The following MLLT3 variants were observed in gnomAD, a reference collection of about 807,000 sequenced individuals.
MLLT3 encodes the protein MLLT3 super elongation complex subunit, also known as protein AF-9.
Under a neutral mutation model 53.2 loss-of-function variants are expected in MLLT3, and 4 were observed. The observed-to-expected ratio is 0.08, with a 90% CI of 0.04 to 0.17. MLLT3 has a LOEUF of 0.17. Among genes scored for constraint, MLLT3 ranks in the 10% least tolerant of loss-of-function variants. The pLI is 1.00. For synonymous variants in MLLT3, 283 were observed against 230.6 expected (o/e 1.23, Z -2.06); for missense variants, 569 against 684.0 (o/e 0.83, Z 1.87).
chr9:20,514,939 ATTTTTTTTT>A (rs35816235), intron 2 of MLLT3, among the ~76,000 whole-genome samples: 3 of 88,734 alleles, frequency 3.4e-5, no homozygotes, highest in East Asian at 3.1e-4. Flanking sequence ...TGAAGGAACA[ATTTTTTTTT>A]TTTTTTTTTT....
intron 8 of MLLT3, among the ~76,000 whole-genome samples, 188 bp downstream of exon 8, chr9:20,360,551 ATCT>A (rs1457620086): frequency 6.6e-6 from 1 of 152,230 alleles, no homozygotes; most frequent in African/African-American, 2.4e-5. Context: ...GAACATATTC[ATCT>A]TCTCATGACA....
intron 6 of MLLT3, among the ~76,000 whole-genome samples, chr9:20,365,245 A>G (rs1461066550): frequency 6.6e-6 from 1 of 152,256 alleles, no homozygotes; most frequent in Non-Finnish European, 1.5e-5. Flanking sequence ...CCTAAGGGAA[A>G]TAAATACAAC....
At position 20,622,477 on chromosome 9, in the gene MLLT3, G is replaced by GCAC; in HGVS notation, c.-222_-221insGTG. On this transcript the variant is annotated 5_prime_UTR_variant, in exon 1 of 11. Coordinates refer to ENST00000380338, the MANE Select transcript of MLLT3 (RefSeq NM_004529.4). ...AGCAAAAGCAGCAGCAGCAGCAGCA[G>GCAC]CTCCAGGGTAAAGAAGATGATTGCG... 1.9e-6 allele frequency: 1 copy of GCAC among 534,030 alleles called. No individual in the cohort carries two copies. Among genetic ancestry groups the GCAC allele is most frequent in the South Asian group, 2.6e-5 (1 of 38,142 alleles). 33.1% of individuals were successfully genotyped at this position (534,030 alleles called of 1,614,324 possible). A position where few individuals can be genotyped will look rare whatever the true frequency, so the allele number is the denominator to read the frequency against.
At chr9:20,584,035 C>G (rs561956511) in intron 2 of MLLT3, among the ~76,000 whole-genome samples, 1 of 152,156 alleles carries the variant, frequency 6.6e-6, no homozygotes, top group Non-Finnish European at 1.5e-5. Context: ...AAACTAAATG[C>G]TTTTAACAGC....
intron 2 of MLLT3, among the ~76,000 whole-genome samples, chr9:20,596,482 G>A (rs748771846): frequency 2.4e-4 from 36 of 152,162 alleles, no homozygotes; most frequent in Non-Finnish European, 4.0e-4. Context: ...CTGAGGTCAG[G>A]AGTTCAAGAC....
At chr9:20,418,408 TTCAGAATTCTGGGGTC>T (rs1395983535) in intron 4 of MLLT3, 3 of 152,322 alleles carry the variant, frequency 2.0e-5, no homozygotes, top group South Asian at 4.1e-4. Flanking sequence ...AGTATTAAAA[TTCAGAATTCTGGGGTC>T]AGGGGAGGCC....
chr9:20,519,518 ATAGT>A (rs1410878712), intron 2 of MLLT3, among the ~76,000 whole-genome samples: 1 of 152,198 alleles, frequency 6.6e-6, no homozygotes, highest in Admixed American at 6.5e-5. Context: ...AATGACGTAC[ATAGT>A]TAAACTCACA....
At chr9:20,536,867 T>C (rs1370724796) in intron 2 of MLLT3, among the ~76,000 whole-genome samples, 9 of 146,938 alleles carry the variant, frequency 6.1e-5, no homozygotes, top group Admixed American at 6.8e-5. Flanking sequence ...AAAAAAAAAC[T>C]GCCAACAAGC....
intron 2 of MLLT3, among the ~76,000 whole-genome samples, chr9:20,479,841 A>G (rs945586866): frequency 6.6e-6 from 1 of 152,238 alleles, no homozygotes; most frequent in Non-Finnish European, 1.5e-5. Flanking sequence ...TTGCAGGGAA[A>G]TAATGCATCA....
chr9:20,398,302 C>T (rs879542979), intron 5 of MLLT3, among the ~76,000 whole-genome samples: 13 of 151,966 alleles, frequency 8.6e-5, no homozygotes, highest in Non-Finnish European at 8.8e-5. Context: ...TGGTGTCAAA[C>T]GGCTGGCTTC....
chr9:20,384,906 T>C (rs945253645), intron 5 of MLLT3, among the ~76,000 whole-genome samples: 4 of 152,096 alleles, frequency 2.6e-5, no homozygotes, highest in Non-Finnish European at 5.9e-5. Context: ...CGCACCCTCC[T>C]GGGGCTTCTG....
chr9:20,353,068 G>T (rs1459117953), intron 10 of MLLT3, among the ~76,000 whole-genome samples: 1 of 151,876 alleles, frequency 6.6e-6, no homozygotes, highest in Non-Finnish European at 1.5e-5. Flanking sequence ...ACAAGATAAG[G>T]GAAATGAAGA....
chr9:20,361,820 G>A (rs1821330855), intron 7 of MLLT3, among the ~76,000 whole-genome samples: 1 of 152,082 alleles, frequency 6.6e-6, no homozygotes, highest in African/African-American at 2.4e-5. Context: ...AGCACCTAAT[G>A]TAATATGCTT....
intron 3 of MLLT3, among the ~76,000 whole-genome samples, chr9:20,450,802 C>T (rs1823821613): frequency 6.6e-6 from 1 of 152,098 alleles, no homozygotes; most frequent in South Asian, 2.1e-4. Flanking sequence ...TCTGTCTATC[C>T]TCTAAGTTAT....
chr9:20,384,900 C>A (rs1821996078), intron 5 of MLLT3, among the ~76,000 whole-genome samples: 1 of 152,052 alleles, frequency 6.6e-6, no homozygotes, highest in East Asian at 1.9e-4. Context: ...CCCAGCCGCA[C>A]CCTCCTGGGG....
intron 2 of MLLT3, among the ~76,000 whole-genome samples, chr9:20,494,869 C>T (rs1017898114): frequency 2.0e-4 from 30 of 152,074 alleles, no homozygotes; most frequent in Non-Finnish European, 2.1e-4. Flanking sequence ...TTTACAGGTA[C>T]CAAATGGATC....
chr9:20,346,707 C>G (rs984073821), intron 10 of MLLT3, 133 bp from the exon 11 acceptor site: 25 of 799,760 alleles, frequency 3.1e-5, no homozygotes, highest in Non-Finnish European at 4.5e-5. Flanking sequence ...AGGTCCCATA[C>G]CATGAATAGC....
intron 2 of MLLT3, among the ~76,000 whole-genome samples, chr9:20,539,713 CAT>C (rs935014759): frequency 6.6e-5 from 10 of 152,258 alleles, no homozygotes; most frequent in African/African-American, 2.4e-4. Flanking sequence ...ATAGCCAAAC[CAT>C]ATCATTCTTC....
chr9:20,589,043 T>C (rs1435949016), intron 2 of MLLT3, among the ~76,000 whole-genome samples: 1 of 151,202 alleles, frequency 6.6e-6, no homozygotes, highest in African/African-American at 2.4e-5. Flanking sequence ...CTCAGGGATC[T>C]AGAACTAGAA....
Sources: allele counts gnomAD v4.1 joint callset (sites outside exome capture counted in the v4.1 genomes callset), GRCh38; gene constraint gnomAD v4.1.1; transcripts MANE v1.5; gene names NCBI Gene and HGNC (gene_info 2026-07-23, HGNC 2026-07-21).